Variants in HS2ST1 observed in about 807,000 individuals in gnomAD.
HS2ST1 encodes heparan sulfate 2-O-sulfotransferase 1, also known as 2-O-sulfotransferase.
HS2ST1 carries 18 observed loss-of-function variants against 42.9 expected under a neutral mutation model. The ratio of observed to expected loss-of-function variants is 0.42; its 90% CI spans 0.29 to 0.62. The LOEUF is 0.62. Ranked by LOEUF, HS2ST1 falls within the 20% of genes least tolerant of loss-of-function variation. HS2ST1 has a pLI of 0.21. For missense variants in HS2ST1, 334 were observed against 433.8 expected (o/e 0.77, Z 2.04); for synonymous variants, 146 against 152.9 (o/e 0.95, Z 0.33).
chr1:87,049,961 C>G (rs1330485784), intron 1 of HS2ST1, among the ~76,000 whole-genome samples: 1 of 151,926 alleles, frequency 6.6e-6, no homozygotes, highest in African/African-American at 2.4e-5. Context: ...ATTGTTATGT[C>G]TTTTTGATAA....
intron 1 of HS2ST1, among the ~76,000 whole-genome samples, chr1:87,035,939 A>G (rs1187576526): frequency 6.6e-6 from 1 of 151,980 alleles, no homozygotes; most frequent in African/African-American, 2.4e-5. Context: ...CATCATCTAC[A>G]ATAGGTATTT....
chr1:86,998,317 T>A (rs1474134810), intron 1 of HS2ST1, among the ~76,000 whole-genome samples: 1 of 152,200 alleles, frequency 6.6e-6, no homozygotes, highest in East Asian at 1.9e-4. Context: ...ATTCAGGAGC[T>A]TGTTTTTTAT....
At chr1:87,025,545 C>T (rs1304780691) in intron 1 of HS2ST1, among the ~76,000 whole-genome samples, 1 of 152,154 alleles carries the variant, frequency 6.6e-6, no homozygotes, top group Non-Finnish European at 1.5e-5. Flanking sequence ...ACAGAGACAT[C>T]TGTGTAGAAT....
intron 1 of HS2ST1, among the ~76,000 whole-genome samples, chr1:87,002,331 G>A (rs528892087): frequency 9.2e-5 from 14 of 152,268 alleles, no homozygotes; most frequent in African/African-American, 2.6e-4. Flanking sequence ...CATGGCTCAC[G>A]CTTGTAGTCC....
chr1:87,076,849 A>T (rs796857624), intron 2 of HS2ST1, among the ~76,000 whole-genome samples: 22 of 152,328 alleles, frequency 1.4e-4, no homozygotes, highest in African/African-American at 5.3e-4. Context: ...TTGTTAAAAC[A>T]TTGGAAATAC....
At chr1:87,028,353 TTA>T (rs1650141293) in intron 1 of HS2ST1, among the ~76,000 whole-genome samples, 1 of 152,188 alleles carries the variant, frequency 6.6e-6, no homozygotes, top group Non-Finnish European at 1.5e-5. Context: ...TTCAAATAAT[TTA>T]TGTTTTTTAC....
chr1:87,018,464 T>G (rs535316244), intron 1 of HS2ST1, among the ~76,000 whole-genome samples: 58 of 152,330 alleles, frequency 3.8e-4, no homozygotes, highest in African/African-American at 1.4e-3. Flanking sequence ...AGAGTAACTC[T>G]GCTGCTTTTG....
intron 1 of HS2ST1, among the ~76,000 whole-genome samples, chr1:86,950,805 C>T (rs528559697): frequency 6.6e-5 from 10 of 152,210 alleles, no homozygotes; most frequent in East Asian, 3.9e-4. Context: ...TATTTTTTTA[C>T]GGCCTTTTAG....
At chr1:87,025,366 C>A (rs892025588) in intron 1 of HS2ST1, among the ~76,000 whole-genome samples, 14 of 152,302 alleles carry the variant, frequency 9.2e-5, no homozygotes, top group East Asian at 3.9e-4. Flanking sequence ...AAACAGGGAA[C>A]ACATTTGTCA....
At chr1:87,093,685 G>A (rs1187874837) in intron 4 of HS2ST1, among the ~76,000 whole-genome samples, 2 of 151,990 alleles carry the variant, frequency 1.3e-5, no homozygotes, top group African/African-American at 4.8e-5. Context: ...TAGGTTACCC[G>A]TAAGTGCTTA....
intron 1 of HS2ST1, chr1:87,046,162 A>G: frequency 1.3e-6 from 1 of 771,234 alleles, no homozygotes; most frequent in Non-Finnish European, 2.3e-6. Flanking sequence ...AACCGTGTTA[A>G]TAGAGTGTGC....
intron 1 of HS2ST1, among the ~76,000 whole-genome samples, chr1:87,009,069 C>T (rs1247255190): frequency 6.6e-6 from 1 of 152,160 alleles, no homozygotes; most frequent in Non-Finnish European, 1.5e-5. Flanking sequence ...GTCTCAAACT[C>T]CTGAGCTCAA....
At chr1:87,061,335 C>A (rs1353305646) in intron 1 of HS2ST1, among the ~76,000 whole-genome samples, 2 of 152,096 alleles carry the variant, frequency 1.3e-5, no homozygotes, top group African/African-American at 2.4e-5. Context: ...CAAGCACCAT[C>A]TCTATCTAGT....
intron 1 of HS2ST1, among the ~76,000 whole-genome samples, chr1:86,922,021 T>G (rs974359216): frequency 6.6e-6 from 1 of 152,190 alleles, no homozygotes. Context: ...ATTGATGTGG[T>G]TGGGTTTAAA....
chr1:86,935,261 T>G (rs576445323), intron 1 of HS2ST1, among the ~76,000 whole-genome samples: 26 of 152,030 alleles, frequency 1.7e-4, no homozygotes, highest in African/African-American at 6.0e-4. Flanking sequence ...CTTTCCTATT[T>G]ATTGTTGCAT....
At chr1:86,957,423 C>G (rs775746717) in intron 1 of HS2ST1, among the ~76,000 whole-genome samples, 1 of 152,210 alleles carries the variant, frequency 6.6e-6, no homozygotes, top group Non-Finnish European at 1.5e-5. Flanking sequence ...CTGTGATTCT[C>G]AAAATGTGTA....
At chr1:87,038,742 G>A (rs149526576) in intron 1 of HS2ST1, among the ~76,000 whole-genome samples, 16 of 151,956 alleles carry the variant, frequency 1.1e-4, no homozygotes, top group African/African-American at 3.9e-4. Context: ...TTACATATAC[G>A]TGAAGTGATC....
intron 1 of HS2ST1, among the ~76,000 whole-genome samples, chr1:87,004,113 G>A (rs771997686): frequency 5.9e-5 from 9 of 152,058 alleles, no homozygotes; most frequent in Non-Finnish European, 1.2e-4. Flanking sequence ...AATACTGGCC[G>A]GGCGTGGTGG....
At chr1:87,079,000 G>A (rs745555377) in intron 2 of HS2ST1, among the ~76,000 whole-genome samples, 7 of 151,982 alleles carry the variant, frequency 4.6e-5, no homozygotes, top group Non-Finnish European at 7.4e-5. Context: ...AGAAGTGGCC[G>A]AATTAATACT....
Sources: gnomAD v4.1 joint callset for allele counts (sites outside exome capture counted in the v4.1 genomes callset) on GRCh38, gnomAD v4.1.1 for gene constraint, MANE v1.5 for transcripts, NCBI Gene and HGNC (gene_info 2026-07-23, HGNC 2026-07-21) for gene names.